The following SZT2 variants were observed in gnomAD, a reference collection of about 807,000 sequenced individuals.
The protein encoded by SZT2 is SZT2 subunit of KICSTOR complex.
In SZT2, 216 loss-of-function variants were observed where a neutral mutation model predicts 404.2. The observed-to-expected ratio is 0.53, with a 90% CI of 0.48 to 0.60. The LOEUF (loss-of-function observed/expected upper bound fraction) is 0.60. SZT2 is among the 20% of genes least tolerant of loss of function. The pLI, the probability that SZT2 is intolerant of heterozygous loss-of-function variation, is 0.00. For synonymous variants in SZT2, 1,693 were observed against 1,749.9 expected, an observed-to-expected ratio of 0.97 and a Z score of 0.81; for missense variants, 3,857 against 4,459.2, an observed-to-expected ratio of 0.86 and a Z score of 3.85.
chr1:43,433,814 A>C (rs1404746760), intron 40 of SZT2, among the ~76,000 whole-genome samples: 1 of 152,258 alleles, frequency 6.6e-6, no homozygotes, highest in Admixed American at 6.5e-5. Flanking sequence ...ATATTTATCA[A>C]GTGCATACTA....
rs1049186568 is a variant in SZT2, at chr1:43,421,219, C to T, written c.1542C>T (p.Ser514=). ...TGCTTGCCCACCTTCAGTCCTTCTC[C>T]TCAGTGCCTGAGCATTTCACGCTTC... is the stretch of plus-strand genomic sequence containing the variant. ...DQMLAHLQSF[S]SVPEHFTLPD... is the part of the protein sequence containing the mutation. Residue 514 remains serine (S), a synonymous_variant, in exon 11 of 72, where the codon TCC becomes TCT. Transcript: ENST00000634258. 8.8e-6 allele frequency: 14 copies of T among 1,598,458 alleles called. No individual in the cohort carries two copies. The highest frequency in any genetic ancestry group is 9.3e-6 in the Non-Finnish European group (11 of 1,179,818).
Position 43,424,135 on chromosome 1 carries a change from G to A in SZT2, c.2256-82G>A, listed in dbSNP as rs1652851615. Reference sequence around the variant, plus strand: ...GGTGTGGAAGGGCGTGGCTTAGCCAGCTGTGAGTGGTACAGAGGTGTGGAA... The same window carrying A: ...GGTGTGGAAGGGCGTGGCTTAGCCAACTGTGAGTGGTACAGAGGTGTGGAA... On this transcript the variant is annotated intron_variant, in intron 15 of 71. Transcript: ENST00000634258. The surrounding 1 kb of genome is among the most constrained non-coding windows in gnomAD (Gnocchi z 4.1). 3.2e-6 allele frequency: 4 copies of A among 1,244,850 alleles called. No individual in the cohort carries two copies. Among genetic ancestry groups the A allele is most frequent in the Admixed American group, 2.0e-5 (1 of 49,714 alleles). 77.1% of individuals were successfully genotyped at this position (1,244,850 alleles called of 1,614,324 possible).
rs775700679 is a variant in SZT2 at position 43,420,269 on chromosome 1, G to C, written c.1207G>C (p.Val403Leu). 2 of 1,598,268 alleles carry C rather than the reference G, an allele frequency of 1.3e-6. No homozygotes were observed. The highest frequency in any genetic ancestry group is 3.3e-5 in the Admixed American group (2 of 59,984). ...KEVPADLVST[V>L]SVRLREGYSV... ...GGTGCCAGCCGACTTGGTCAGCACT[G>C]TGTCCGTACGGCTTCGAGAGGGCTA... is the stretch of plus-strand genomic sequence containing the variant. The change falls in exon 9 of 72, where the codon GTG (valine) becomes CTG (leucine). Residue 403 changes from valine (V) to leucine (L), a missense_variant. Transcript: ENST00000634258. This position sits in a 1 kb window ranked among gnomAD's most constrained non-coding sequence, Gnocchi z 5.1.
intron 42 of SZT2, chr1:43,436,285 C>A (rs2153934805): frequency 1.3e-5 from 2 of 152,294 alleles, no homozygotes; most frequent in Middle Eastern, 3.4e-3. Flanking sequence ...CTCAGCACAT[C>A]CTGGGATCTC....
rs2153933523 is a variant in SZT2 at position 43,428,279 on chromosome 1, C to T, written c.3959C>T (p.Ser1320Phe). The T allele has an allele frequency of 6.2e-7, 1 of 1,614,194 alleles. No individual in the cohort carries two copies. Among genetic ancestry groups the T allele is most frequent in the South Asian group, 1.1e-5 (1 of 91,082 alleles). Residue 1320 changes from serine (S) to phenylalanine (F), a missense_variant, in exon 28 of 72, where the codon TCC becomes TTC. By Grantham distance (155) the Ser-to-Phe change is radical. Around this residue, in one of 7 missense-constraint regions of SZT2, gnomAD observed 1,725 missense variants for 1,881.0 expected, o/e 0.92. Coordinates refer to ENST00000634258, the MANE Select transcript of SZT2 (RefSeq NM_001365999.1). ...TTGCAGCAAGCACAGAGTGTGACCT[C>T]CCAGGATTTGCTGACAGCGGTAGAT... is the stretch of plus-strand genomic sequence containing the variant. Reference protein sequence around the residue: ...RSLQQAQSVTSQDLLTAVDAC... With the variant: ...RSLQQAQSVTFQDLLTAVDAC...
Position 43,447,897 on chromosome 1 carries a change from T to C in SZT2, c.9489T>C (p.Phe3163=). 1.2e-6 allele frequency: 2 copies of C among 1,614,074 alleles called. No individual in the cohort carries two copies. The highest frequency in any genetic ancestry group is 1.1e-5 in the South Asian group (1 of 91,086). The change falls in exon 68 of 72, where the codon TTT becomes TTC. Residue 3163 remains phenylalanine, a synonymous_variant. Transcript: ENST00000634258. ...AGGGACTTCGACACCAGGATGACTT[T>C]GATGTGTCTCTGCTTGTCTGTCACT... ...DSEGLRHQDD[F]DVSLLVCHCA... is the part of the protein sequence containing the mutation.
At chr1:43,440,948 G>A (rs1320342926) in intron 52 of SZT2, among the ~76,000 whole-genome samples, 1 of 152,252 alleles carries the variant, frequency 6.6e-6, no homozygotes, top group African/African-American at 2.4e-5. Flanking sequence ...TGTAGAGGGA[G>A]CCTTAACTTA....
rs1030420928 is a variant in SZT2, at chr1:43,422,995, G to A, written c.2038-104G>A. 14 of 1,498,076 alleles carry A rather than the reference G, an allele frequency of 9.3e-6. No homozygotes were observed. The African/African-American group carries it at 1.7e-4, about 18-fold the overall frequency. 92.8% of individuals were successfully genotyped at this position (1,498,076 alleles called of 1,614,324 possible). On this transcript the variant is annotated intron_variant, in intron 14 of 71. Coordinates refer to ENST00000634258, the MANE Select transcript of SZT2 (RefSeq NM_001365999.1). ...ATAGAGGGAGGAGCCCCCAGACCAA[G>A]GAAGACCTGGAGAAGAGGGCTGTGT...
chr1:43,394,468 C>T (rs1387495460), intron 1 of SZT2, among the ~76,000 whole-genome samples: 1 of 152,172 alleles, frequency 6.6e-6, no homozygotes. Flanking sequence ...TTTCATGCAG[C>T]TGGTCCTTGG....
intron 27 of SZT2, 25 bp from the exon 28 acceptor site, chr1:43,428,215 T>A (rs1312088358): frequency 1.1e-5 from 17 of 1,614,038 alleles, no homozygotes; most frequent in African/African-American, 4.0e-5. Flanking sequence ...AGCTCAAGCC[T>A]CATGGCCCCT....
Position 43,423,241 on chromosome 1 carries a change from T to A in SZT2, c.2180T>A (p.Leu727Gln). The change falls in exon 15 of 72, where the codon CTG becomes CAG. Residue 727 changes from leucine (L) to glutamine (Q), a missense_variant. Physicochemically the swap from Leu to Gln is moderately radical, Grantham distance 113. Around this residue, in one of 7 missense-constraint regions of SZT2, gnomAD observed 1,725 missense variants for 1,881.0 expected, o/e 0.92. Coordinates refer to ENST00000634258, the MANE Select transcript of SZT2 (RefSeq NM_001365999.1). Reference protein sequence around the residue: ...GSSPSKSPPVLGPQQALSDRP... With the variant: ...GSSPSKSPPVQGPQQALSDRP... Reference sequence around the variant, plus strand: ...TCTCCCTCCAAGTCACCCCCCGTGCTGGGGCCACAGCAGGCCCTGTCTGAC... The same window carrying A: ...TCTCCCTCCAAGTCACCCCCCGTGCAGGGGCCACAGCAGGCCCTGTCTGAC... 2 of 1,591,120 alleles carry A rather than the reference T, an allele frequency of 1.3e-6. No individual in the cohort carries two copies. The highest frequency in any genetic ancestry group is 1.7e-6 in the Non-Finnish European group (2 of 1,175,832).
intron 6 of SZT2, 39 bp from the exon 7 acceptor site, chr1:43,416,496 C>G: frequency 3.8e-6 from 6 of 1,559,948 alleles, no homozygotes; most frequent in Non-Finnish European, 5.2e-6. Flanking sequence ...TTTGGTCTGG[C>G]CAGTGTCTCC....
chr1:43,441,559 G>T lies in SZT2; in HGVS notation c.7567G>T (p.Ala2523Ser), dbSNP rs878892246. ...GGTGGGGACCCTTCATCCTGTGTTT[G>T]CCCGTGTTGCTCAGCGCTGGATGGA... ...GEVGTLHPVFARVAQRWMEFM... is the reference protein window; with the variant it reads ...GEVGTLHPVFSRVAQRWMEFM... Residue 2523 changes from alanine (A) to serine (S), a missense_variant, in exon 54 of 72, where the codon GCC becomes TCC. Coordinates refer to ENST00000634258, the MANE Select transcript of SZT2 (RefSeq NM_001365999.1). The surrounding 1 kb of genome is among the most constrained non-coding windows in gnomAD (Gnocchi z 4.8). The T allele has an allele frequency of 1.9e-6, 3 of 1,614,164 alleles. No homozygotes were observed. The highest frequency in any genetic ancestry group is 1.7e-5 in the Admixed American group (1 of 60,022).
rs1190209182 is a variant in SZT2, at chr1:43,430,333, T to C, written c.4424T>C (p.Val1475Ala). The change falls in exon 31 of 72, where the codon GTA (valine) becomes GCA (alanine). Residue 1475 changes from valine to alanine, a missense_variant. Val to Ala is a moderately conservative substitution (Grantham distance 64, BLOSUM62 0). Coordinates refer to ENST00000634258, the MANE Select transcript of SZT2 (RefSeq NM_001365999.1). ...TAGGATGAGGGGCCTCGGGACACAG[T>C]AGACAGAAAAATCAGTGACCTGGAG... ...RREDEGPRDT[V>A]DRKISDLEFS... 5 of 1,612,524 alleles carry C rather than the reference T, an allele frequency of 3.1e-6. No individual in the cohort carries two copies. The highest frequency in any genetic ancestry group is 4.2e-6 in the Non-Finnish European group (5 of 1,179,658).
At chr1:43,395,093 G>GA (rs1648832945) in intron 1 of SZT2, among the ~76,000 whole-genome samples, 1 of 152,080 alleles carries the variant, frequency 6.6e-6, no homozygotes, top group Non-Finnish European at 1.5e-5. Flanking sequence ...GGAAAGGTGG[G>GA]AAAAAATGGA....
At chr1:43,428,202 C>G (rs374840015) in intron 27 of SZT2, 38 bp from the exon 28 acceptor site, 77 of 1,613,186 alleles carry the variant, frequency 4.8e-5, no homozygotes, top group Non-Finnish European at 6.1e-5. Context: ...GAGGCCATTC[C>G]AGAGCTCAAG....
chr1:43,402,283 G>A (rs1198831008), intron 1 of SZT2, among the ~76,000 whole-genome samples: 1 of 152,174 alleles, frequency 6.6e-6, no homozygotes, highest in Non-Finnish European at 1.5e-5. Context: ...AAGAGACATT[G>A]GGGAGTTCAG....
At chr1:43,446,546 T>C (rs1348587076) in intron 65 of SZT2, 130 bp downstream of exon 65, 1 of 1,109,920 alleles carries the variant, frequency 9.0e-7, no homozygotes. Flanking sequence ...TTCACTGCTA[T>C]GGCCTGGCTA....
chr1:43,390,000 GGGGC>G lies in SZT2; in HGVS notation c.27+15_27+18del. On this transcript the variant is annotated splice_donor_region_variant and intron_variant, in intron 1 of 71. Transcript: ENST00000634258. ...TCGGAGCGCCCGGAGCCGGAGGTGA[GGGGC>G]GGGCGGGCGCAGCACTGGGCCCCGA... is the stretch of plus-strand genomic sequence containing the variant. 9 of 1,387,536 alleles carry G rather than the reference GGGGC, an allele frequency of 6.5e-6. No homozygotes were observed. The highest frequency in any genetic ancestry group is 7.4e-6 in the Non-Finnish European group (8 of 1,074,488). 86.0% of individuals were successfully genotyped at this position (1,387,536 alleles called of 1,614,324 possible). A position where few individuals can be genotyped will look rare whatever the true frequency, so the allele number is the denominator to read the frequency against.
Sources: gnomAD v4.1 joint callset for allele counts (sites outside exome capture counted in the v4.1 genomes callset) on GRCh38, gnomAD v4.1.1 for gene constraint, gnomAD v4.1.1 regional missense constraint, Gnocchi (gnomAD v3.1) non-coding constraint, MANE v1.5 for transcripts, NCBI Gene and HGNC (gene_info 2026-07-23, HGNC 2026-07-21) for gene names.